CADM1: variants seen among roughly 807,000 people sequenced by gnomAD.
CADM1 encodes cell adhesion molecule 1.
A neutral mutation model predicts 53.1 loss-of-function variants in CADM1; 15 were observed. The observed-to-expected ratio is 0.28, with a 90% CI of 0.19 to 0.44. CADM1 has a LOEUF of 0.44. Among genes scored for constraint, CADM1 ranks in the 20% least tolerant of loss-of-function variants. The probability of loss-of-function intolerance (pLI) is 1.00; values close to 1 mark genes in which losing one functional copy is unlikely to be tolerated. For synonymous variants in CADM1, 281 were observed against 243.0 expected (o/e 1.16, Z -1.45); for missense variants, 434 against 611.3 (o/e 0.71, Z 3.06).
chr11:115,290,922 G>C (rs542125167), intron 1 of CADM1, among the ~76,000 whole-genome samples: 1 of 152,130 alleles, frequency 6.6e-6, no homozygotes, highest in African/African-American at 2.4e-5. Flanking sequence ...CTGGCATCCC[G>C]TCTTCAGCAT....
chr11:115,458,877 AT>A (rs1300738890), intron 1 of CADM1, among the ~76,000 whole-genome samples: 1 of 152,180 alleles, frequency 6.6e-6, no homozygotes, highest in Non-Finnish European at 1.5e-5. Flanking sequence ...GATCTAATAG[AT>A]TTTTTAAATT....
At chr11:115,273,240 T>G (rs996183920) in intron 1 of CADM1, among the ~76,000 whole-genome samples, 32 of 152,226 alleles carry the variant, frequency 2.1e-4, no homozygotes, top group African/African-American at 7.7e-4. Context: ...AAATAAAACC[T>G]TGCTTGACCA....
intron 1 of CADM1, among the ~76,000 whole-genome samples, chr11:115,320,283 G>A (rs1944788746): frequency 6.6e-6 from 1 of 151,966 alleles, no homozygotes; most frequent in Non-Finnish European, 1.5e-5. Context: ...GGCTGGTCTG[G>A]AACTCCTGGG....
intron 1 of CADM1, among the ~76,000 whole-genome samples, chr11:115,382,020 T>C (rs924703582): frequency 1.3e-5 from 2 of 152,112 alleles, no homozygotes; most frequent in East Asian, 3.9e-4. Context: ...AGTTTTTGTA[T>C]TTTTAGTAGA....
chr11:115,212,083 G>C (rs893035320), intron 7 of CADM1, among the ~76,000 whole-genome samples: 3 of 152,020 alleles, frequency 2.0e-5, no homozygotes, highest in African/African-American at 7.3e-5. Context: ...TCAGTGCTTA[G>C]ATCATTTCTA....
intron 1 of CADM1, among the ~76,000 whole-genome samples, chr11:115,415,683 A>T (rs977796653): frequency 6.6e-6 from 1 of 151,958 alleles, no homozygotes; most frequent in Admixed American, 6.6e-5. Flanking sequence ...TAAAAATACA[A>T]CATTTAGCCA....
chr11:115,403,746 G>A (rs184708625), intron 1 of CADM1, among the ~76,000 whole-genome samples: 5 of 151,822 alleles, frequency 3.3e-5, no homozygotes, highest in Admixed American at 2.0e-4. Flanking sequence ...ACAGGTGTGT[G>A]CCATCATACC....
intron 1 of CADM1, chr11:115,256,686 G>A (rs991613895): frequency 2.5e-6 from 1 of 399,798 alleles, no homozygotes; most frequent in African/African-American, 2.0e-5. Context: ...GGTGGGCAGG[G>A]AGAGAGAGCC....
intron 1 of CADM1, among the ~76,000 whole-genome samples, chr11:115,392,268 T>C (rs1215540787): frequency 1.3e-5 from 2 of 152,128 alleles, no homozygotes; most frequent in Non-Finnish European, 2.9e-5. Flanking sequence ...ATTTGTCTAT[T>C]TACTCCAGTG....
At chr11:115,370,794 T>C (rs939207752) in intron 1 of CADM1, among the ~76,000 whole-genome samples, 9 of 152,212 alleles carry the variant, frequency 5.9e-5, no homozygotes, top group African/African-American at 1.9e-4. Context: ...TCCCTATATA[T>C]TGACCTCTGA....
intron 1 of CADM1, among the ~76,000 whole-genome samples, chr11:115,457,816 G>A (rs187934429): frequency 3.7e-4 from 56 of 152,050 alleles, no homozygotes; most frequent in Admixed American, 1.5e-3. Flanking sequence ...CATCTCAACC[G>A]TAACACTAAT....
intron 1 of CADM1, among the ~76,000 whole-genome samples, chr11:115,380,433 C>T (rs548877618): frequency 3.9e-5 from 6 of 152,204 alleles, no homozygotes; most frequent in South Asian, 4.2e-4. Flanking sequence ...TCTCTGGGTA[C>T]GCTATCCAGC....
intron 1 of CADM1, among the ~76,000 whole-genome samples, chr11:115,304,533 T>A (rs759836658): frequency 8.6e-5 from 13 of 152,034 alleles, no homozygotes; most frequent in Non-Finnish European, 1.6e-4. Flanking sequence ...GAGATATAAC[T>A]ATGGCATAAT....
At chr11:115,261,947 T>C (rs1005582369) in intron 1 of CADM1, among the ~76,000 whole-genome samples, 1 of 152,010 alleles carries the variant, frequency 6.6e-6, no homozygotes, top group African/African-American at 2.4e-5. Context: ...ACCTGACTAA[T>C]TTTTTGTATT....
intron 1 of CADM1, among the ~76,000 whole-genome samples, chr11:115,428,005 CAAAAAA>C (rs66872817): frequency 1.9e-5 from 1 of 54,032 alleles, no homozygotes; most frequent in Admixed American, 3.0e-4. Flanking sequence ...GACTCCATCT[CAAAAAA>C]AAAAAAAAAA....
At chr11:115,420,677 C>A (rs1203995418) in intron 1 of CADM1, among the ~76,000 whole-genome samples, 1 of 152,162 alleles carries the variant, frequency 6.6e-6, no homozygotes, top group East Asian at 1.9e-4. Flanking sequence ...ACATGCAGTG[C>A]CGCAGTTGGT....
intron 1 of CADM1, among the ~76,000 whole-genome samples, chr11:115,270,110 C>T (rs1157115785): frequency 6.6e-6 from 1 of 152,182 alleles, no homozygotes; most frequent in Non-Finnish European, 1.5e-5. Flanking sequence ...CACAGCAGGC[C>T]AGTATGACCA....
Position 115,194,936 on chromosome 11 carries a change from C to T in CADM1, c.1111+3470G>A, listed in dbSNP as rs1211648948. ...TCAAGAACATAATGACTACACCATC[C>T]GTGCGTTAAATCACTCATGCATTTC... On this transcript the variant is annotated intron_variant, in intron 9 of 11. Transcript: ENST00000331581. Among the ~76,000 whole-genome samples, 3 of 152,292 alleles carry T rather than the reference C, an allele frequency of 2.0e-5. No individual in the cohort carries two copies. The East Asian group carries it at 5.8e-4, about 29-fold the overall frequency.
At chr11:115,195,193 T>C (rs1011396509) in intron 9 of CADM1, among the ~76,000 whole-genome samples, 2 of 152,254 alleles carry the variant, frequency 1.3e-5, no homozygotes, top group African/African-American at 2.4e-5. Context: ...TTGTGGCTGA[T>C]TGTTGTTTGG....
Sources: allele counts gnomAD v4.1 joint callset (sites outside exome capture counted in the v4.1 genomes callset), GRCh38; gene constraint gnomAD v4.1.1; transcripts MANE v1.5; gene names NCBI Gene and HGNC (gene_info 2026-07-23, HGNC 2026-07-21).